The following HIVEP3 variants were observed in gnomAD, a reference collection of about 807,000 sequenced individuals.
The protein encoded by HIVEP3 is transcription factor HIVEP3.
In HIVEP3, 49 loss-of-function variants were observed where a neutral mutation model predicts 152.8. The ratio of observed to expected loss-of-function variants is 0.32; its 90% CI spans 0.26 to 0.41. The LOEUF (loss-of-function observed/expected upper bound fraction) is 0.41. HIVEP3 is among the 10% of genes least tolerant of loss of function. The pLI is 1.00. For missense variants in HIVEP3, 2,790 were observed against 3,103.3 expected, an observed-to-expected ratio of 0.90 and a Z score of 2.40; for synonymous variants, 1,269 against 1,289.0, an observed-to-expected ratio of 0.98 and a Z score of 0.33.
intron 5 of HIVEP3, among the ~76,000 whole-genome samples, chr1:41,534,762 T>A (rs961626391): frequency 7.2e-5 from 11 of 152,224 alleles, no homozygotes; most frequent in African/African-American, 2.7e-4. Flanking sequence ...CAGGAGTTCC[T>A]GAGCACAAGT....
intron 5 of HIVEP3, among the ~76,000 whole-genome samples, chr1:41,529,627 C>T (rs1302455396): frequency 1.4e-5 from 2 of 144,088 alleles, no homozygotes; most frequent in East Asian, 2.1e-4. Context: ...ACCCCACACC[C>T]CCCACACCCT....
intron 2 of HIVEP3, among the ~76,000 whole-genome samples, chr1:41,650,611 A>T (rs2124012710): frequency 6.6e-6 from 1 of 150,744 alleles, no homozygotes; most frequent in East Asian, 2.0e-4. Flanking sequence ...GAAGTAGACA[A>T]GTCCTGCTTC....
chr1:41,809,490 G>A (rs1650824981), intron 1 of HIVEP3, among the ~76,000 whole-genome samples: 1 of 152,178 alleles, frequency 6.6e-6, no homozygotes, highest in African/African-American at 2.4e-5. Context: ...CCCAGGAGAT[G>A]CAAATTGTTT....
intron 1 of HIVEP3, among the ~76,000 whole-genome samples, chr1:41,756,226 T>C (rs1309350024): frequency 2.6e-5 from 4 of 152,166 alleles, no homozygotes; most frequent in Non-Finnish European, 5.9e-5. Flanking sequence ...ATCTAATGTA[T>C]GATTATAGAG....
chr1:41,787,718 A>G (rs544905106), intron 1 of HIVEP3, among the ~76,000 whole-genome samples: 4 of 115,510 alleles, frequency 3.5e-5, no homozygotes, highest in African/African-American at 2.9e-4. Context: ...TTTTGTAGAG[A>G]AAAAATAGAG....
upstream of HIVEP3, among the ~76,000 whole-genome samples, chr1:41,921,977 AATATAAG>A (rs1380034110): frequency 2.0e-5 from 3 of 152,188 alleles, no homozygotes; most frequent in Non-Finnish European, 2.9e-5. Flanking sequence ...AATCAGATAA[AATATAAG>A]ATATAACAGA....
chr1:41,646,776 C>T (rs535106648), intron 2 of HIVEP3, among the ~76,000 whole-genome samples: 1 of 152,330 alleles, frequency 6.6e-6, no homozygotes, highest in South Asian at 2.1e-4. Flanking sequence ...CAAATTATCA[C>T]CAATTTAAGC....
At chr1:41,785,920 C>T (rs1434915605) in intron 1 of HIVEP3, among the ~76,000 whole-genome samples, 2 of 152,110 alleles carry the variant, frequency 1.3e-5, no homozygotes, top group Admixed American at 6.5e-5. Flanking sequence ...CGCTTCAACC[C>T]GGGAGGCAGG....
At chr1:41,614,248 T>C (rs903565445) in intron 3 of HIVEP3, among the ~76,000 whole-genome samples, 34 of 152,094 alleles carry the variant, frequency 2.2e-4, no homozygotes, top group African/African-American at 8.0e-4. Context: ...TGCCTGAAAA[T>C]ATAATTATCT....
At chr1:41,762,141 T>C (rs1380721674) in intron 1 of HIVEP3, among the ~76,000 whole-genome samples, 2 of 152,186 alleles carry the variant, frequency 1.3e-5, no homozygotes, top group Non-Finnish European at 2.9e-5. Flanking sequence ...CACTGCTCCA[T>C]TCTGAGCCCA....
chr1:41,559,708 G>T (rs1644027120), intron 5 of HIVEP3, among the ~76,000 whole-genome samples: 1 of 152,132 alleles, frequency 6.6e-6, no homozygotes, highest in Non-Finnish European at 1.5e-5. Context: ...CAAGATGCTG[G>T]CTTCCATCAT....
chr1:41,980,125 T>C (rs1312134170), intron 1 of HIVEP3, among the ~76,000 whole-genome samples: 2 of 152,318 alleles, frequency 1.3e-5, no homozygotes, highest in East Asian at 3.9e-4. Context: ...GGTAAAATGG[T>C]GCAACCACTT....
intron 1 of HIVEP3, among the ~76,000 whole-genome samples, chr1:41,953,906 C>T (rs1490979772): frequency 1.3e-5 from 2 of 152,194 alleles, no homozygotes; most frequent in Non-Finnish European, 1.5e-5. Context: ...GCTGCAGCAG[C>T]CCTTTTTTCT....
At chr1:41,610,751 T>C (rs1644885621) in intron 3 of HIVEP3, among the ~76,000 whole-genome samples, 1 of 152,202 alleles carries the variant, frequency 6.6e-6, no homozygotes, top group Non-Finnish European at 1.5e-5. Context: ...CAATTTCTTG[T>C]GAGGCATTCG....
Position 41,512,876 on chromosome 1 carries a change from C to T in HIVEP3, c.6345G>A (p.Pro2115=), listed in dbSNP as rs774917292. 66 of 1,557,492 alleles carry T rather than the reference C, an allele frequency of 4.2e-5. No individual in the cohort carries two copies. The highest frequency in any genetic ancestry group is 9.4e-5 in the Admixed American group (5 of 53,030). ...GLGLDPRVLF[P]PAPLPHKLLS... Reference sequence around the variant, plus strand: ...GGAGCTTGTGAGGTAGAGGCGCGGGCGGGAAGAGAACCCGTGGGTCCAGCC... The same window carrying T: ...GGAGCTTGTGAGGTAGAGGCGCGGGTGGGAAGAGAACCCGTGGGTCCAGCC... Residue 2115 remains proline (P), a synonymous_variant, in exon 8 of 9, where the codon CCG becomes CCA. Coordinates refer to ENST00000372583, the MANE Select transcript of HIVEP3 (RefSeq NM_024503.5).
chr1:41,644,163 G>C (rs967220342), intron 2 of HIVEP3, among the ~76,000 whole-genome samples: 10 of 152,082 alleles, frequency 6.6e-5, no homozygotes, highest in Non-Finnish European at 1.0e-4. Flanking sequence ...TGGGATTACA[G>C]GTGTGAGCCA....
At chr1:41,949,717 C>T (rs1170322770) in intron 1 of HIVEP3, among the ~76,000 whole-genome samples, 1 of 152,168 alleles carries the variant, frequency 6.6e-6, no homozygotes, top group Non-Finnish European at 1.5e-5. Flanking sequence ...GTATCTTTAA[C>T]CTCCTTGTTA....
chr1:41,856,790 G>C (rs1643780571), intron 1 of HIVEP3, among the ~76,000 whole-genome samples: 1 of 152,126 alleles, frequency 6.6e-6, no homozygotes, highest in Non-Finnish European at 1.5e-5. Flanking sequence ...AAGCTTGGGG[G>C]AGGCATAAGT....
Position 41,868,121 on chromosome 1 carries a change from C to T in HIVEP3, c.-801+50292G>A, listed in dbSNP as rs531602869. 2.6e-5 allele frequency among the ~76,000 whole-genome samples: 4 copies of T among 152,262 alleles called. No individual in the cohort carries two copies. The South Asian group carries it at 6.2e-4, about 24-fold the overall frequency. On this transcript the variant is annotated intron_variant, in intron 1 of 8. Transcript: ENST00000372583. The stretch of plus-strand genomic sequence containing the variant: ...TCCCCTAGCTGATACTAACTCCAGC[C>T]ACACTGGCCTCCTTCCTACCCTGCT...
Sources: gnomAD v4.1 joint callset for allele counts (sites outside exome capture counted in the v4.1 genomes callset) on GRCh38, gnomAD v4.1.1 for gene constraint, MANE v1.5 for transcripts, NCBI Gene and HGNC (gene_info 2026-07-23, HGNC 2026-07-21) for gene names.